The following TMEM178B variants were observed in gnomAD, a reference collection of about 807,000 sequenced individuals.
TMEM178B encodes transmembrane protein 178B.
In TMEM178B, 5 loss-of-function variants were observed where a neutral mutation model predicts 31.0. The ratio of observed to expected loss-of-function variants is 0.16; its 90% CI spans 0.08 to 0.34. TMEM178B has a LOEUF of 0.34. Ranked by LOEUF, TMEM178B falls within the 10% of genes least tolerant of loss-of-function variation. The probability of loss-of-function intolerance (pLI) is 1.00; values close to 1 mark genes in which losing one functional copy is unlikely to be tolerated. For missense variants in TMEM178B, 275 were observed against 400.3 expected, an observed-to-expected ratio of 0.69 and a Z score of 2.67; for synonymous variants, 164 against 164.0, an observed-to-expected ratio of 1.00 and a Z score of 0.00.
intron 2 of TMEM178B, among the ~76,000 whole-genome samples, chr7:141,423,358 C>A (rs1185648549): frequency 6.6e-6 from 1 of 152,166 alleles, no homozygotes; most frequent in Non-Finnish European, 1.5e-5. Context: ...TCCAATATAT[C>A]TAGATGTTCT....
At chr7:141,397,181 A>C (rs1360629866) in intron 2 of TMEM178B, among the ~76,000 whole-genome samples, 1 of 152,364 alleles carries the variant, frequency 6.6e-6, no homozygotes, top group East Asian at 1.9e-4. Flanking sequence ...GCCCAAAATC[A>C]TAGTGATTAA....
In TMEM178B at chr7:141,477,040, T is replaced by A. The variant is rs1802383348; in HGVS notation, c.*6254T>A. ...GACCAGGTGTTGCTCCTTAAGGAAC[T>A]CTGTATCCCTCTCTCCTCTCCAGAA... On this transcript the variant is annotated 3_prime_UTR_variant, in exon 4 of 4. Coordinates refer to ENST00000565468, the MANE Select transcript of TMEM178B (RefSeq NM_001195278.2). The A allele has an allele frequency of 6.5e-6, 1 of 154,888 alleles. No homozygotes were observed. The highest frequency in any genetic ancestry group is 6.5e-5 in the Admixed American group (1 of 15,292). 9.6% of individuals were successfully genotyped at this position (154,888 alleles called of 1,614,324 possible).
chr7:141,248,103 T>C (rs1456442327), intron 2 of TMEM178B, among the ~76,000 whole-genome samples: 1 of 152,096 alleles, frequency 6.6e-6, no homozygotes, highest in Non-Finnish European at 1.5e-5. Context: ...AATATAACCA[T>C]GCATGGCTTA....
chr7:141,493,079 G>C, the TMEM178B span, among the ~76,000 whole-genome samples: 1 of 152,110 alleles, frequency 6.6e-6, no homozygotes, highest in Non-Finnish European at 1.5e-5. Flanking sequence ...TCTCCATCTT[G>C]CTCTTGACCA....
chr7:141,363,698 T>C (rs1799955353), intron 2 of TMEM178B, among the ~76,000 whole-genome samples: 1 of 152,174 alleles, frequency 6.6e-6, no homozygotes, highest in Admixed American at 6.5e-5. Flanking sequence ...AGGTCTCTTG[T>C]AGTTGCTCAT....
At chr7:141,239,745 G>T (rs1797590212) in intron 2 of TMEM178B, among the ~76,000 whole-genome samples, 1 of 152,162 alleles carries the variant, frequency 6.6e-6, no homozygotes, top group Admixed American at 6.5e-5. Context: ...CCTTCCTGAT[G>T]GTCCTGGTCA....
intron 2 of TMEM178B, among the ~76,000 whole-genome samples, chr7:141,251,783 G>A (rs1797837907): frequency 6.6e-6 from 1 of 152,086 alleles, no homozygotes; most frequent in African/African-American, 2.4e-5. Flanking sequence ...TGATTTATTA[G>A]TAGACTTGGC....
At chr7:141,350,955 G>A (rs1327960160) in intron 2 of TMEM178B, among the ~76,000 whole-genome samples, 2 of 152,096 alleles carry the variant, frequency 1.3e-5, no homozygotes, top group African/African-American at 2.4e-5. Context: ...ACTGTACCTG[G>A]GGCCCTCCTA....
At chr7:141,497,142 T>C in the TMEM178B span, among the ~76,000 whole-genome samples, 1 of 152,056 alleles carries the variant, frequency 6.6e-6, no homozygotes, top group East Asian at 1.9e-4. Flanking sequence ...CACACACAGG[T>C]AGAGAAGCCA....
At chr7:141,111,965 T>C (rs968098267) in intron 1 of TMEM178B, among the ~76,000 whole-genome samples, 1 of 152,224 alleles carries the variant, frequency 6.6e-6, no homozygotes, top group Non-Finnish European at 1.5e-5. Flanking sequence ...TCTTGGCATT[T>C]CCTGACAAAG....
the TMEM178B span, among the ~76,000 whole-genome samples, chr7:141,487,144 G>A: frequency 5.9e-5 from 9 of 152,090 alleles, no homozygotes; most frequent in African/African-American, 2.2e-4. Context: ...TCAAATTGGG[G>A]TTTTCACCAC....
At chr7:141,149,574 A>G (rs949164528) in intron 1 of TMEM178B, among the ~76,000 whole-genome samples, 2 of 152,228 alleles carry the variant, frequency 1.3e-5, no homozygotes, top group Non-Finnish European at 2.9e-5. Context: ...GGTCCTTTAC[A>G]GATGTAAGTT....
At chr7:141,220,134 C>T (rs903054731) in intron 2 of TMEM178B, among the ~76,000 whole-genome samples, 3 of 151,950 alleles carry the variant, frequency 2.0e-5, no homozygotes, top group Admixed American at 6.6e-5. Flanking sequence ...GTCTGGCTAA[C>T]ATAGTGAAAC....
chr7:141,263,736 C>T (rs772843000), intron 2 of TMEM178B, among the ~76,000 whole-genome samples: 1 of 152,152 alleles, frequency 6.6e-6, no homozygotes, highest in Non-Finnish European at 1.5e-5. Context: ...AGGGATTTTC[C>T]CAGTGGCCTC....
At chr7:141,470,150 G>T (rs1441391219) in intron 3 of TMEM178B, among the ~76,000 whole-genome samples, 2 of 152,206 alleles carry the variant, frequency 1.3e-5, no homozygotes, top group Admixed American at 1.3e-4. Context: ...CAAACAGTAG[G>T]TGTTTTCCAT....
chr7:141,389,355 T>C, intron 2 of TMEM178B, among the ~76,000 whole-genome samples: 1 of 152,228 alleles, frequency 6.6e-6, no homozygotes, highest in East Asian at 1.9e-4. Flanking sequence ...TGACAGCCCC[T>C]TCTGGACTCT....
At position 141,200,416 on chromosome 7, in the gene TMEM178B, G is replaced by A. The variant is rs538276656; in HGVS notation, c.383-12175G>A. On this transcript the variant is annotated intron_variant, in intron 1 of 3. Coordinates refer to ENST00000565468, the MANE Select transcript of TMEM178B (RefSeq NM_001195278.2). Reference sequence around the variant, plus strand: ...TTTTTTTAGTGGGTCTGTCCTGGTTGCGGGGGGAGACAGGATGGCTTGAAG... The same window carrying A: ...TTTTTTTAGTGGGTCTGTCCTGGTTACGGGGGGAGACAGGATGGCTTGAAG... 5.9e-5 allele frequency among the ~76,000 whole-genome samples: 9 copies of A among 152,182 alleles called. No homozygotes were observed. The East Asian group carries it at 1.7e-3, about 30-fold the overall frequency.
rs150586744 is a variant in TMEM178B, at chr7:141,471,777, TGTGC to T, written c.*995_*998del. 5.1e-3 allele frequency: 411 copies of T among 80,222 alleles called. 3 individuals carry two copies. Among genetic ancestry groups the T allele is most frequent in the African/African-American group, 0.013 (269 of 21,368 alleles). 5.0% of individuals were successfully genotyped at this position (80,222 alleles called of 1,614,324 possible). On this transcript the variant is annotated 3_prime_UTR_variant, in exon 4 of 4. Coordinates refer to ENST00000565468, the MANE Select transcript of TMEM178B (RefSeq NM_001195278.2). The surrounding 1 kb of genome is among the most constrained non-coding windows in gnomAD (Gnocchi z 4.1). ...CTACAGATCCCTGGAGTGGTGTGTG[TGTGC>T]GTGTGTGTGTGTGTGTGTGTGTGTG...
At chr7:141,226,624 A>G (rs578138796) in intron 2 of TMEM178B, among the ~76,000 whole-genome samples, 169 of 152,246 alleles carry the variant, frequency 1.1e-3, no homozygotes, top group Admixed American at 2.7e-3. Context: ...AGGCTAAGGC[A>G]GGTGGATCAC....
Sources: allele counts gnomAD v4.1 joint callset (sites outside exome capture counted in the v4.1 genomes callset), GRCh38; gene constraint gnomAD v4.1.1; non-coding constraint Gnocchi (gnomAD v3.1); transcripts MANE v1.5; gene names NCBI Gene and HGNC (gene_info 2026-07-23, HGNC 2026-07-21).